FAM117B: variants seen among roughly 807,000 people sequenced by gnomAD.
FAM117B encodes family with sequence similarity 117 member B, also known as protein FAM117B.
In FAM117B, 22 loss-of-function variants were observed where a neutral mutation model predicts 52.8. The ratio of observed to expected loss-of-function variants is 0.42; its 90% CI spans 0.30 to 0.59. The LOEUF (loss-of-function observed/expected upper bound fraction) is 0.59. FAM117B is among the 20% of genes least tolerant of loss of function. The pLI, the probability that FAM117B is intolerant of heterozygous loss-of-function variation, is 0.22. For missense variants in FAM117B, 678 were observed against 802.6 expected, an observed-to-expected ratio of 0.84 and a Z score of 1.88; for synonymous variants, 309 against 324.1, an observed-to-expected ratio of 0.95 and a Z score of 0.50.
rs563394047 is a variant in FAM117B, at chr2:202,695,261, C to CT, written c.602-609dup. Among the ~76,000 whole-genome samples, 536 of 145,510 alleles carry CT rather than the reference C, an allele frequency of 3.7e-3. 2 individuals carry two copies. Among genetic ancestry groups the CT allele is most frequent in the South Asian group, 0.013 (59 of 4,570 alleles). The stretch of plus-strand genomic sequence containing the variant: ...CTGTTTATATACAGTAATCCTTATC[C>CT]TTTTTTTTTTTATGGTTTCAGTTAC... On this transcript the variant is annotated intron_variant, in intron 1 of 7. Transcript: ENST00000392238.
At chr2:202,762,245 G>A (rs1034553534) in intron 7 of FAM117B, among the ~76,000 whole-genome samples, 1 of 152,108 alleles carries the variant, frequency 6.6e-6, no homozygotes, top group South Asian at 2.1e-4. Context: ...CTGGGGGGTC[G>A]GGATGGGGTG....
rs1418956147 is a variant in FAM117B, at chr2:202,662,637, T to TCGAGAC, written c.601+26851_601+26856dup. 7.9e-5 allele frequency among the ~76,000 whole-genome samples: 12 copies of TCGAGAC among 151,940 alleles called. No individual in the cohort carries two copies. In the East Asian group the frequency reaches 1.9e-3, roughly 25 times the overall value. On this transcript the variant is annotated intron_variant, in intron 1 of 7. Coordinates refer to ENST00000392238, the MANE Select transcript of FAM117B (RefSeq NM_173511.4). ...GCGGGTGGATCACAAGGTCAAGAGA[T>TCGAGAC]CGAGACCATCCTGGCCAACATGGTC...
At chr2:202,720,367 G>GTT (rs1559109365) in intron 2 of FAM117B, among the ~76,000 whole-genome samples, 1 of 151,574 alleles carries the variant, frequency 6.6e-6, no homozygotes, top group Non-Finnish European at 1.5e-5. Context: ...TGATTCAAGA[G>GTT]TTTTAAACAT....
chr2:202,691,649 TTGTGTGTGTGTGTGTGTG>T (rs199855927), intron 1 of FAM117B, among the ~76,000 whole-genome samples: 39 of 126,882 alleles, frequency 3.1e-4, no homozygotes, highest in South Asian at 5.4e-4. Flanking sequence ...CCAGTTTACA[TTGTGTGTGTGTGTGTGTG>T]TGTGTGTGTG....
At chr2:202,701,364 C>T (rs1690792879) in intron 2 of FAM117B, among the ~76,000 whole-genome samples, 1 of 152,142 alleles carries the variant, frequency 6.6e-6, no homozygotes, top group Admixed American at 6.6e-5. Context: ...ACTGGTCACC[C>T]AAGAGCTGTG....
At position 202,640,340 on chromosome 2, in the gene FAM117B, A is replaced by ATGTG. The variant is rs1553517978; in HGVS notation, c.601+4553_601+4554insGTGT. 3.8e-5 allele frequency among the ~76,000 whole-genome samples: 4 copies of ATGTG among 105,734 alleles called. 1 individual carries two copies. The highest frequency in any genetic ancestry group is 1.7e-4 in the African/African-American group (4 of 23,068). 69.4% of individuals were successfully genotyped at this position (105,734 alleles called of 152,430 possible). On this transcript the variant is annotated intron_variant, in intron 1 of 7. Coordinates refer to ENST00000392238, the MANE Select transcript of FAM117B (RefSeq NM_173511.4). The stretch of plus-strand genomic sequence containing the variant: ...TATATATATATATATATATATATAT[A>ATGTG]TATGGCAAGTCGTGTTCTTGCTAGT...
intron 2 of FAM117B, among the ~76,000 whole-genome samples, chr2:202,706,295 T>C (rs1690867519): frequency 6.6e-6 from 1 of 152,348 alleles, no homozygotes; most frequent in South Asian, 2.1e-4. Context: ...TTTCTGAGGC[T>C]ATTTTTTTAA....
chr2:202,635,567 G>T lies in FAM117B; in HGVS notation c.380G>T (p.Arg127Leu), dbSNP rs1689668695. ...ATSTRGTSPTRSAAPGARGSP... is the reference protein window; with the variant it reads ...ATSTRGTSPTLSAAPGARGSP... ...TCCACGCGAGGCACCAGCCCCACGC[G>T]CAGCGCCGCGCCTGGAGCTCGCGGG... The change falls in exon 1 of 8, where the codon CGC becomes CTC. Residue 127 changes from arginine (R) to leucine (L), a missense_variant. Physicochemically the swap from Arg to Leu is moderately radical, Grantham distance 102 (BLOSUM62 -2). This residue lies in a region of FAM117B where 583 missense variants were observed against 644.8 expected (regional missense o/e 0.90). Coordinates refer to ENST00000392238, the MANE Select transcript of FAM117B (RefSeq NM_173511.4). 1 of 1,222,922 alleles carries T rather than the reference G, an allele frequency of 8.2e-7. No homozygotes were observed. 75.8% of individuals were successfully genotyped at this position (1,222,922 alleles called of 1,614,324 possible). A position where few individuals can be genotyped will look rare whatever the true frequency, so the allele number is the denominator to read the frequency against.
Position 202,766,098 on chromosome 2 carries a change from A to C in FAM117B, c.*334A>C, listed in dbSNP as rs1425443922. On this transcript the variant is annotated 3_prime_UTR_variant, in exon 8 of 8. Coordinates refer to ENST00000392238, the MANE Select transcript of FAM117B (RefSeq NM_173511.4). The stretch of plus-strand genomic sequence containing the variant: ...CACACACACACACACACACACACAC[A>C]CACACACACCCCTGATCCTTGCCAA... The C allele has an allele frequency of 4.4e-6, 1 of 227,608 alleles. No individual in the cohort carries two copies. Among genetic ancestry groups the C allele is most frequent in the Non-Finnish European group, 8.6e-6 (1 of 116,762 alleles). The allele number at this position is 227,608 out of a possible 1,614,324, so 14.1% of individuals were successfully genotyped here.
chr2:202,739,706 G>A (rs558496190), intron 4 of FAM117B, among the ~76,000 whole-genome samples: 2 of 152,042 alleles, frequency 1.3e-5, no homozygotes, highest in South Asian at 4.2e-4. Context: ...GTCCTCCCTC[G>A]GACTCAGCCT....
At chr2:202,689,097 A>G (rs866388772) in intron 1 of FAM117B, among the ~76,000 whole-genome samples, 6 of 152,224 alleles carry the variant, frequency 3.9e-5, no homozygotes, top group Admixed American at 6.5e-5. Context: ...ATATAAAATC[A>G]TATGTATGTC....
In FAM117B at chr2:202,720,673, C is replaced by T. The variant is rs569874886; in HGVS notation, c.754-4244C>T. On this transcript the variant is annotated intron_variant, in intron 2 of 7. Transcript: ENST00000392238. ...TTGGACCCAAAAGGACCCAGTTCCA[C>T]ATTCATACATTGCACTTGGCTTCTC... 2.6e-5 allele frequency among the ~76,000 whole-genome samples: 4 copies of T among 151,914 alleles called. No individual in the cohort carries two copies. In the East Asian group the frequency reaches 7.7e-4, roughly 29 times the overall value.
chr2:202,724,732 A>G (rs1240215701), intron 2 of FAM117B, among the ~76,000 whole-genome samples, 185 bp from the exon 3 acceptor site: 3 of 152,214 alleles, frequency 2.0e-5, no homozygotes, highest in Non-Finnish European at 4.4e-5. Context: ...AAGTATGCCA[A>G]AATATTAATT....
intron 1 of FAM117B, among the ~76,000 whole-genome samples, chr2:202,664,808 T>G (rs2105762766): frequency 6.6e-6 from 1 of 152,292 alleles, no homozygotes; most frequent in South Asian, 2.1e-4. Context: ...GAATTACGGG[T>G]TTCTCTGTGG....
At chr2:202,691,770 A>G (rs1313221047) in intron 1 of FAM117B, among the ~76,000 whole-genome samples, 2 of 150,230 alleles carry the variant, frequency 1.3e-5, no homozygotes, top group East Asian at 2.0e-4. Flanking sequence ...ATTTTTTTTT[A>G]GTTAGAGGAA....
At chr2:202,691,947 T>C (rs1690636730) in intron 1 of FAM117B, among the ~76,000 whole-genome samples, 1 of 152,158 alleles carries the variant, frequency 6.6e-6, no homozygotes, top group Non-Finnish European at 1.5e-5. Flanking sequence ...TACGTATTAG[T>C]GAAATAACTG....
intron 1 of FAM117B, among the ~76,000 whole-genome samples, chr2:202,687,203 A>G (rs990437478): frequency 2.0e-5 from 3 of 152,232 alleles, no homozygotes; most frequent in African/African-American, 7.2e-5. Flanking sequence ...AAACAGTATT[A>G]TGTGATTACA....
chr2:202,759,488 C>A, intron 7 of FAM117B, 135 bp downstream of exon 7: 2 of 1,135,476 alleles, frequency 1.8e-6, no homozygotes, highest in Non-Finnish European at 2.4e-6. Flanking sequence ...ACCTCCTTAG[C>A]TCAAGTTATC....
chr2:202,677,136 C>T (rs570005644), intron 1 of FAM117B, among the ~76,000 whole-genome samples: 128 of 151,248 alleles, frequency 8.5e-4, no homozygotes, highest in Non-Finnish European at 1.4e-3. Flanking sequence ...GGCGCAATCT[C>T]GGCTCACTAC....
Sources: gnomAD v4.1 joint callset for allele counts (sites outside exome capture counted in the v4.1 genomes callset) on GRCh38, gnomAD v4.1.1 for gene constraint, gnomAD v4.1.1 regional missense constraint, MANE v1.5 for transcripts, NCBI Gene and HGNC (gene_info 2026-07-23, HGNC 2026-07-21) for gene names.